Variants in AQR observed in about 807,000 individuals in gnomAD.
AQR encodes the protein RNA helicase aquarius.
AQR carries 61 observed loss-of-function variants against 180.5 expected under a neutral mutation model. The ratio of observed to expected loss-of-function variants is 0.34; its 90% CI spans 0.28 to 0.42. The LOEUF (loss-of-function observed/expected upper bound fraction) is 0.42. AQR is among the 10% of genes least tolerant of loss of function. The probability of loss-of-function intolerance (pLI) is 1.00; values close to 1 mark genes in which losing one functional copy is unlikely to be tolerated. For missense variants in AQR, 1,281 were observed against 1,798.3 expected, an observed-to-expected ratio of 0.71 and a Z score of 5.20; for synonymous variants, 551 against 588.8, an observed-to-expected ratio of 0.94 and a Z score of 0.93.
chr15:34,930,812 C>T (rs1241788153), intron 11 of AQR, among the ~76,000 whole-genome samples: 27 of 143,130 alleles, frequency 1.9e-4, no homozygotes, highest in East Asian at 2.1e-4. Flanking sequence ...TTTTTATACG[C>T]CACTTCTTTT....
Position 34,927,062 on chromosome 15 carries a change from G to C in AQR, c.1091C>G (p.Ser364Cys), listed in dbSNP as rs1341973936. 1 of 1,592,604 alleles carries C rather than the reference G, an allele frequency of 6.3e-7. No homozygotes were observed. The highest frequency in any genetic ancestry group is 2.3e-5 in the East Asian group (1 of 44,118). Residue 364 changes from serine to cysteine, a missense_variant, in exon 13 of 35, where the codon TCC becomes TGC. This residue lies in a region of AQR where 404 missense variants were observed against 490.9 expected (regional missense o/e 0.82). Coordinates refer to ENST00000156471, the MANE Select transcript of AQR (RefSeq NM_014691.3). ...AAGAGGTCCAAAAAACTTGACCAAGGACTCCCGAGTATCTACTTCTGCCAC... is the reference window on the plus strand; with the variant it reads ...AAGAGGTCCAAAAAACTTGACCAAGCACTCCCGAGTATCTACTTCTGCCAC... ...SNVAEVDTRE[S>C]LVKFFGPLSS...
At position 34,927,078 on chromosome 15, in the gene AQR, C is replaced by T; in HGVS notation, c.1075G>A (p.Val359Ile). ...YDFALSNVAE[V>I]DTRESLVKFF... Reference sequence around the variant, plus strand: ...TTGACCAAGGACTCCCGAGTATCTACTTCTGCCACATTTGAGAGGGCAAAA... The same window carrying T: ...TTGACCAAGGACTCCCGAGTATCTATTTCTGCCACATTTGAGAGGGCAAAA... Residue 359 changes from valine to isoleucine, a missense_variant, in exon 13 of 35, where the codon GTA (valine) becomes ATA (isoleucine). Physicochemically the swap from Val to Ile is conservative, Grantham distance 29. Coordinates refer to ENST00000156471, the MANE Select transcript of AQR (RefSeq NM_014691.3). The T allele has an allele frequency of 6.3e-7, 1 of 1,596,914 alleles. No individual in the cohort carries two copies. Among genetic ancestry groups the T allele is most frequent in the Non-Finnish European group, 8.5e-7 (1 of 1,171,558 alleles).
intron 26 of AQR, among the ~76,000 whole-genome samples, chr15:34,884,129 G>A (rs773906620): frequency 5.3e-5 from 8 of 152,018 alleles, no homozygotes; most frequent in Non-Finnish European, 8.8e-5. Context: ...ATTTTGGGCC[G>A]GGTGTGGTGG....
At chr15:34,857,312 A>G (rs1265245563) in intron 34 of AQR, among the ~76,000 whole-genome samples, 1 of 152,218 alleles carries the variant, frequency 6.6e-6, no homozygotes, top group Non-Finnish European at 1.5e-5. Flanking sequence ...ATCAAAATAC[A>G]TATAAAATCT....
At chr15:34,867,633 T>C (rs1292616538) in intron 31 of AQR, 24 bp from the exon 32 acceptor site, 3 of 1,575,866 alleles carry the variant, frequency 1.9e-6, no homozygotes, top group East Asian at 2.2e-5. Context: ...ATGGAAAATA[T>C]GGTGCATTTG....
At chr15:34,874,116 T>A in intron 29 of AQR, 117 bp from the exon 30 acceptor site, 1 of 1,089,760 alleles carries the variant, frequency 9.2e-7, no homozygotes, top group Non-Finnish European at 1.2e-6. Flanking sequence ...GTTAGCCATT[T>A]TGGCTCATCT....
At chr15:34,869,870 T>C (rs1433005238) in intron 31 of AQR, 2 of 152,204 alleles carry the variant, frequency 1.3e-5, no homozygotes, top group African/African-American at 4.8e-5. Context: ...CAGCAAAATG[T>C]ATATTTGAAA....
intron 15 of AQR, among the ~76,000 whole-genome samples, 181 bp downstream of exon 15, chr15:34,918,077 C>T (rs910639800): frequency 2.0e-5 from 3 of 152,132 alleles, no homozygotes; most frequent in Non-Finnish European, 2.9e-5. Context: ...AATAAAAACC[C>T]TTAGTGCTAA....
intron 31 of AQR, 31 bp from the exon 32 acceptor site, chr15:34,867,640 T>C (rs1892755108): frequency 6.5e-7 from 1 of 1,542,306 alleles, no homozygotes; most frequent in Admixed American, 1.7e-5. Context: ...ATATGGTGCA[T>C]TTGCAAAAGC....
intron 12 of AQR, among the ~76,000 whole-genome samples, chr15:34,929,916 T>C (rs1595800808): frequency 1.3e-5 from 2 of 152,198 alleles, no homozygotes; most frequent in East Asian, 3.8e-4. Flanking sequence ...TATGTGTTCA[T>C]CTTAAAAATG....
chr15:34,953,287 T>A (rs12901394), intron 3 of AQR, among the ~76,000 whole-genome samples: 93,018 of 152,070 alleles, frequency 0.61, 30,732 homozygotes, highest in South Asian at 0.75. Context: ...CTGTCTTTTT[T>A]AAATAGAATT....
In AQR at chr15:34,856,726, T is replaced by C. The variant is rs1457695829; in HGVS notation, c.*66A>G. On this transcript the variant is annotated 3_prime_UTR_variant, in exon 35 of 35. Coordinates refer to ENST00000156471, the MANE Select transcript of AQR (RefSeq NM_014691.3). ...TAAAATGGCAGAAGCAAATATAAAATACAAAAAACAGCTTTACTCAGACTT... is the reference window on the plus strand; with the variant it reads ...TAAAATGGCAGAAGCAAATATAAAACACAAAAAACAGCTTTACTCAGACTT... The C allele has an allele frequency of 1.3e-5, 17 of 1,338,456 alleles. No individual in the cohort carries two copies. Among genetic ancestry groups the C allele is most frequent in the Non-Finnish European group, 1.7e-5 (17 of 1,007,072 alleles). The allele number at this position is 1,338,456 out of a possible 1,614,324, so 82.9% of individuals were successfully genotyped here.
intron 33 of AQR, among the ~76,000 whole-genome samples, chr15:34,860,871 CAGA>C (rs1469957792): frequency 1.9e-4 from 29 of 152,116 alleles, no homozygotes; most frequent in African/African-American, 5.8e-4. Context: ...GATTCAGATT[CAGA>C]AGGTCTGGGT....
intron 34 of AQR, among the ~76,000 whole-genome samples, chr15:34,859,606 T>C (rs539905020): frequency 6.6e-6 from 1 of 152,250 alleles, no homozygotes; most frequent in South Asian, 2.1e-4. Flanking sequence ...AAAATAAGAA[T>C]ACATACTGTA....
intron 8 of AQR, among the ~76,000 whole-genome samples, chr15:34,939,445 A>G (rs1181136512): frequency 2.0e-5 from 3 of 152,242 alleles, no homozygotes; most frequent in Non-Finnish European, 4.4e-5. Context: ...AATTCCATTT[A>G]TAGTCTGCCC....
chr15:34,860,867 G>A (rs1422429146), intron 33 of AQR, among the ~76,000 whole-genome samples: 1 of 152,152 alleles, frequency 6.6e-6, no homozygotes, highest in Non-Finnish European at 1.5e-5. Context: ...TATAGATTCA[G>A]ATTCAGAAGG....
chr15:34,904,262 A>C, intron 19 of AQR, 74 bp downstream of exon 19: 2 of 1,104,552 alleles, frequency 1.8e-6, no homozygotes, highest in Non-Finnish European at 2.4e-6. Flanking sequence ...CTCTAACCAA[A>C]TATCTCTGTA....
chr15:34,856,620 C>A lies in AQR; in HGVS notation c.*172G>T. 1.9e-6 allele frequency: 1 copy of A among 518,736 alleles called. No homozygotes were observed. The highest frequency in any genetic ancestry group is 5.0e-5 in the South Asian group (1 of 20,082). The allele number at this position is 518,736 out of a possible 1,614,324, so 32.1% of individuals were successfully genotyped here. On this transcript the variant is annotated 3_prime_UTR_variant, in exon 35 of 35. Coordinates refer to ENST00000156471, the MANE Select transcript of AQR (RefSeq NM_014691.3). ...TTGAACAAATGAAACTAGAATTGTT[C>A]ATACACATAATTTAAAAAAATATAT... is the stretch of plus-strand genomic sequence containing the variant.
intron 11 of AQR, among the ~76,000 whole-genome samples, chr15:34,931,248 GTCTCCCCTGTAGC>G (rs1893854997): frequency 6.6e-6 from 1 of 152,088 alleles, no homozygotes; most frequent in Non-Finnish European, 1.5e-5. Flanking sequence ...AGGCTCTGAT[GTCTCCCCTGTAGC>G]AGCAGCATCA....
Sources: allele counts gnomAD v4.1 joint callset (sites outside exome capture counted in the v4.1 genomes callset), GRCh38; gene constraint gnomAD v4.1.1; regional missense constraint gnomAD v4.1.1; transcripts MANE v1.5; gene names NCBI Gene and HGNC (gene_info 2026-07-23, HGNC 2026-07-21).